MYO9A: variants seen among roughly 807,000 people sequenced by gnomAD.
MYO9A encodes myosin IXA.
In MYO9A, 103 loss-of-function variants were observed where a neutral mutation model predicts 293.3. That is an observed-to-expected ratio of 0.35 (90% CI 0.30 to 0.41). The LOEUF is 0.41. Among genes scored for constraint, MYO9A ranks in the 10% least tolerant of loss-of-function variants. The pLI, the probability that MYO9A is intolerant of heterozygous loss-of-function variation, is 1.00. For synonymous variants in MYO9A, 1,001 were observed against 1,035.7 expected (o/e 0.97, Z 0.64); for missense variants, 2,685 against 3,033.0 (o/e 0.89, Z 2.69).
intron 3 of MYO9A, 95 bp from the exon 4 acceptor site, chr15:72,027,888 TC>T: frequency 1.1e-6 from 1 of 900,950 alleles, no homozygotes; most frequent in Non-Finnish European, 1.7e-6. Context: ...AAGAATACTA[TC>T]CAGATCATTT....
chr15:71,993,010 A>G (rs2076583949), intron 10 of MYO9A, among the ~76,000 whole-genome samples: 1 of 152,142 alleles, frequency 6.6e-6, no homozygotes, highest in Admixed American at 6.5e-5. Context: ...TAATTGCAAT[A>G]TATATCAAAC....
chr15:72,051,371 C>T lies in MYO9A; in HGVS notation c.-71-4737G>A, dbSNP rs137966450. 1.8e-3 allele frequency among the ~76,000 whole-genome samples: 276 copies of T among 152,278 alleles called. 2 individuals are homozygous for T. The highest frequency in any genetic ancestry group is 6.4e-3 in the African/African-American group (265 of 41,562). On this transcript the variant is annotated intron_variant, in intron 1 of 41. Transcript: ENST00000356056. ...TTCTGAGTTGACAGGGCAGGAGTTTCGTGCTCCCTAGGTGCAGCTGCGGCC... is the reference window on the plus strand; with the variant it reads ...TTCTGAGTTGACAGGGCAGGAGTTTTGTGCTCCCTAGGTGCAGCTGCGGCC...
chr15:71,942,089 T>C (rs2058792300), intron 15 of MYO9A, among the ~76,000 whole-genome samples: 1 of 151,944 alleles, frequency 6.6e-6, no homozygotes, highest in African/African-American at 2.4e-5. Context: ...ATCATATAAA[T>C]TAAATACAAT....
intron 19 of MYO9A, among the ~76,000 whole-genome samples, chr15:71,911,007 C>T (rs150461637): frequency 9.2e-5 from 14 of 152,252 alleles, no homozygotes; most frequent in African/African-American, 3.1e-4. Flanking sequence ...AGTTATGCCA[C>T]TATCACTACA....
chr15:71,828,065 G>A, intron 40 of MYO9A, 39 bp from the exon 41 acceptor site: 2 of 1,582,488 alleles, frequency 1.3e-6, no homozygotes, highest in Non-Finnish European at 1.7e-6. Flanking sequence ...CATTTGATAG[G>A]AAGTGGAAGG....
intron 1 of MYO9A, among the ~76,000 whole-genome samples, chr15:72,056,869 G>C (rs1341167126): frequency 6.6e-6 from 1 of 152,204 alleles, no homozygotes; most frequent in Non-Finnish European, 1.5e-5. Context: ...CTGCACTTTG[G>C]GAGGCTGAGG....
At chr15:72,109,470 T>C (rs2080698895) in intron 1 of MYO9A, among the ~76,000 whole-genome samples, 2 of 152,058 alleles carry the variant, frequency 1.3e-5, no homozygotes, top group African/African-American at 4.8e-5. Context: ...ATCTTTTGAA[T>C]CTAGTTGATA....
intron 29 of MYO9A, 146 bp downstream of exon 29, chr15:71,880,189 T>C: frequency 1.4e-6 from 1 of 728,944 alleles, no homozygotes; most frequent in Non-Finnish European, 2.2e-6. Context: ...ATGCATATCC[T>C]ATTATTCACA....
At chr15:71,987,554 T>C (rs1461193238) in intron 11 of MYO9A, among the ~76,000 whole-genome samples, 1 of 152,194 alleles carries the variant, frequency 6.6e-6, no homozygotes. Flanking sequence ...TTGCAGCCTT[T>C]CAGGTAGTTC....
intron 1 of MYO9A, among the ~76,000 whole-genome samples, chr15:72,091,985 G>A (rs567659839): frequency 6.6e-6 from 1 of 152,110 alleles, no homozygotes; most frequent in South Asian, 2.1e-4. Context: ...CAAAGTGCTG[G>A]GATTACAGGT....
chr15:71,928,764 C>T (rs1380828331), intron 18 of MYO9A, among the ~76,000 whole-genome samples: 2 of 151,676 alleles, frequency 1.3e-5, no homozygotes, highest in Non-Finnish European at 2.9e-5. Flanking sequence ...TTATAAAATG[C>T]TACTGATTTT....
At chr15:71,990,989 T>G (rs1385492599) in intron 11 of MYO9A, 114 bp downstream of exon 11, 2 of 1,078,422 alleles carry the variant, frequency 1.9e-6, no homozygotes, top group East Asian at 5.9e-5. Context: ...CAATATTTAA[T>G]AAAAACACTA....
intron 12 of MYO9A, among the ~76,000 whole-genome samples, chr15:71,969,521 A>G (rs775751881): frequency 1.3e-5 from 2 of 152,230 alleles, no homozygotes; most frequent in Non-Finnish European, 2.9e-5. Flanking sequence ...TCCAAGCTCC[A>G]AAGCATAGGC....
At chr15:72,063,671 G>A (rs1249078344) in intron 1 of MYO9A, among the ~76,000 whole-genome samples, 4 of 152,200 alleles carry the variant, frequency 2.6e-5, no homozygotes, top group Non-Finnish European at 5.9e-5. Context: ...TGGCAAGGAT[G>A]TAAAGAAAAG....
At chr15:71,905,660 G>A (rs559145043) in intron 19 of MYO9A, among the ~76,000 whole-genome samples, 26 of 149,630 alleles carry the variant, frequency 1.7e-4, no homozygotes, top group Non-Finnish European at 3.3e-4. Context: ...GGTGGTGCCC[G>A]GCTGAGGCAT....
intron 1 of MYO9A, among the ~76,000 whole-genome samples, chr15:72,052,635 G>A (rs889416727): frequency 1.3e-5 from 2 of 152,180 alleles, no homozygotes; most frequent in South Asian, 2.1e-4. Flanking sequence ...GGGGCTCTAC[G>A]GTTCCTGGCA....
Position 71,959,925 on chromosome 15 carries a change from TC to T in MYO9A, c.2157del (p.Arg721GlufsTer18). ...FRAMVAFREAGKRNIHRKTGH... is the reference protein window; with the variant it reads ...FRAMVAFREAXKRNIHRKTGH... ...CCAGTTTTTCTGTGAATGTTTCTTT[TC>T]CCAGCTTCCCTGAAAGCAACCATGG... On this transcript the variant is annotated frameshift_variant, in exon 14 of 42. Transcript: ENST00000356056. LOFTEE classifies it high-confidence loss of function. 1 of 1,613,850 alleles carries T rather than the reference TC, an allele frequency of 6.2e-7. No individual in the cohort carries two copies. Among genetic ancestry groups the T allele is most frequent in the Non-Finnish European group, 8.5e-7 (1 of 1,179,916 alleles).
chr15:72,112,571 C>T (rs574746383), intron 1 of MYO9A, among the ~76,000 whole-genome samples: 9 of 152,176 alleles, frequency 5.9e-5, no homozygotes, highest in African/African-American at 1.7e-4. Context: ...CACAAATAAA[C>T]CTTAGTAGTA....
At chr15:72,027,031 C>T (rs1452289622) in intron 4 of MYO9A, among the ~76,000 whole-genome samples, 3 of 152,192 alleles carry the variant, frequency 2.0e-5, no homozygotes, top group Non-Finnish European at 4.4e-5. Flanking sequence ...TTAACCCAAT[C>T]CTTCACAAAC....
Sources: allele counts gnomAD v4.1 joint callset (sites outside exome capture counted in the v4.1 genomes callset), GRCh38; gene constraint gnomAD v4.1.1; transcripts MANE v1.5; gene names NCBI Gene and HGNC (gene_info 2026-07-23, HGNC 2026-07-21).